Variants in SEMA6D observed in about 807,000 individuals in gnomAD.
SEMA6D encodes the protein semaphorin 6D, also known as semaphorin-6D.
SEMA6D carries 35 observed loss-of-function variants against 106.6 expected under a neutral mutation model. The observed-to-expected ratio is 0.33, with a 90% CI of 0.25 to 0.44. SEMA6D has a LOEUF of 0.44. Ranked by LOEUF, SEMA6D falls within the 20% of genes least tolerant of loss-of-function variation. The pLI is 1.00. For synonymous variants in SEMA6D, 499 were observed against 487.7 expected, an observed-to-expected ratio of 1.02 and a Z score of -0.31; for missense variants, 1,185 against 1,345.9, an observed-to-expected ratio of 0.88 and a Z score of 1.87.
At chr15:47,198,543 A>G (rs879772206) in intron 1 of SEMA6D, among the ~76,000 whole-genome samples, 2 of 152,298 alleles carry the variant, frequency 1.3e-5, no homozygotes, top group Middle Eastern at 3.4e-3. Flanking sequence ...GGTGAAAACA[A>G]TAACAGCTTG....
At chr15:47,381,836 T>C (rs1206026987) in intron 1 of SEMA6D, among the ~76,000 whole-genome samples, 1 of 151,918 alleles carries the variant, frequency 6.6e-6, no homozygotes, top group Non-Finnish European at 1.5e-5. Context: ...GACTAAGGAG[T>C]CATTGGGAAC....
intron 1 of SEMA6D, among the ~76,000 whole-genome samples, chr15:47,742,245 T>C (rs1481779724): frequency 6.6e-6 from 1 of 152,122 alleles, no homozygotes; most frequent in African/African-American, 2.4e-5. Context: ...GTATAGCACC[T>C]TTACAATTTT....
intron 2 of SEMA6D, among the ~76,000 whole-genome samples, chr15:47,462,892 G>A (rs866829262): frequency 1.3e-4 from 20 of 152,182 alleles, no homozygotes; most frequent in Admixed American, 8.5e-4. Flanking sequence ...GGCTCTGTTT[G>A]TCCTAGTCTG....
intron 1 of SEMA6D, among the ~76,000 whole-genome samples, chr15:47,271,292 G>A (rs2034553249): frequency 6.6e-6 from 1 of 152,178 alleles, no homozygotes; most frequent in South Asian, 2.1e-4. Flanking sequence ...GGGTTTTACA[G>A]AGGTAGGTAA....
chr15:47,217,568 T>G (rs576924619), intron 1 of SEMA6D, among the ~76,000 whole-genome samples: 5 of 142,450 alleles, frequency 3.5e-5, no homozygotes, highest in Non-Finnish European at 7.6e-5. Context: ...CGTGCACGGG[T>G]GTGTGTGTGT....
chr15:47,659,514 T>G (rs1398166362), intron 4 of SEMA6D, among the ~76,000 whole-genome samples: 1 of 152,106 alleles, frequency 6.6e-6, no homozygotes, highest in Admixed American at 6.5e-5. Context: ...GATCATAATT[T>G]TTACAATGTT....
chr15:47,428,719 A>G (rs1222102161), intron 2 of SEMA6D, among the ~76,000 whole-genome samples: 6 of 152,024 alleles, frequency 3.9e-5, no homozygotes, highest in African/African-American at 1.4e-4. Context: ...GGTTGCAGTG[A>G]GCTGAGATTG....
chr15:47,746,833 G>C (rs957504843), intron 1 of SEMA6D, among the ~76,000 whole-genome samples: 2 of 152,070 alleles, frequency 1.3e-5, no homozygotes, highest in African/African-American at 4.8e-5. Context: ...GCCCAGTCTG[G>C]CTGGGATATG....
At position 47,768,688 on chromosome 15, in the gene SEMA6D, G is replaced by A; in HGVS notation, c.1873G>A (p.Val625Ile). The change falls in exon 18 of 19, where the codon GTA becomes ATA. Residue 625 changes from valine (V) to isoleucine (I), a missense_variant. Physicochemically the swap from Val to Ile is conservative, Grantham distance 29. Transcript: ENST00000536845. ...RPKLTSSRKF[V>I]VQDDPNTSDF... Reference sequence around the variant, plus strand: ...TAAACTGACAAGCTCTCGGAAATTTGTAGTTCAAGATGATCCAAACACTTC... The same window carrying A: ...TAAACTGACAAGCTCTCGGAAATTTATAGTTCAAGATGATCCAAACACTTC... The A allele has an allele frequency of 1.2e-6, 2 of 1,613,654 alleles. No homozygotes were observed. Among genetic ancestry groups the A allele is most frequent in the Non-Finnish European group, 1.7e-6 (2 of 1,179,666 alleles).
intron 3 of SEMA6D, among the ~76,000 whole-genome samples, chr15:47,547,475 T>TC: frequency 6.6e-6 from 1 of 152,334 alleles, no homozygotes. Context: ...TTGGTTTTGC[T>TC]TTCGTTTTTG....
chr15:47,245,180 T>C (rs1276644425), intron 1 of SEMA6D, among the ~76,000 whole-genome samples: 1 of 152,158 alleles, frequency 6.6e-6, no homozygotes, highest in Non-Finnish European at 1.5e-5. Context: ...ATGTGTCTTT[T>C]TTGTGGAGTA....
At chr15:47,616,327 G>A (rs551431041) in intron 4 of SEMA6D, among the ~76,000 whole-genome samples, 27 of 151,908 alleles carry the variant, frequency 1.8e-4, no homozygotes, top group Non-Finnish European at 2.9e-4. Context: ...GTGCCACCAC[G>A]CCTGGCTAAT....
intron 3 of SEMA6D, among the ~76,000 whole-genome samples, chr15:47,511,369 C>A (rs189318004): frequency 4.6e-5 from 7 of 152,324 alleles, no homozygotes; most frequent in Non-Finnish European, 8.8e-5. Flanking sequence ...GCTCACAAAT[C>A]ATCTAACCTA....
In SEMA6D at chr15:47,773,519, A is replaced by T. The variant is rs1315589603; in HGVS notation, c.*1734A>T. 6.6e-6 allele frequency: 1 copy of T among 152,398 alleles called. No homozygotes were observed. Among genetic ancestry groups the T allele is most frequent in the Non-Finnish European group, 1.5e-5 (1 of 68,038 alleles). The allele number at this position is 152,398 out of a possible 1,614,324, so 9.4% of individuals were successfully genotyped here. A position where few individuals can be genotyped will look rare whatever the true frequency, so the allele number is the denominator to read the frequency against. On this transcript the variant is annotated 3_prime_UTR_variant, in exon 19 of 19. Coordinates refer to ENST00000536845, the MANE Select transcript of SEMA6D (RefSeq NM_001358351.3). ...CAAGGCAGAGGTATGCTCCTGCTGT[A>T]ATCAGGCAAATGAGTTCAACTGGAT... is the stretch of plus-strand genomic sequence containing the variant.
At chr15:47,293,271 A>T (rs552436695) in intron 1 of SEMA6D, among the ~76,000 whole-genome samples, 1 of 152,282 alleles carries the variant, frequency 6.6e-6, no homozygotes, top group Non-Finnish European at 1.5e-5. Flanking sequence ...TGGAGAGAGC[A>T]TCCTGCTCCA....
chr15:47,388,583 A>G (rs768633531), intron 1 of SEMA6D, among the ~76,000 whole-genome samples: 7 of 152,058 alleles, frequency 4.6e-5, no homozygotes, highest in Non-Finnish European at 8.8e-5. Context: ...AAAAAAACGT[A>G]GTATACTTAG....
chr15:47,299,728 A>C (rs1162825959), intron 1 of SEMA6D, among the ~76,000 whole-genome samples: 1 of 152,190 alleles, frequency 6.6e-6, no homozygotes, highest in Non-Finnish European at 1.5e-5. Flanking sequence ...TACATCCATC[A>C]AAAAGCTGTT....
chr15:47,255,556 TAGG>T (rs1396751246), intron 1 of SEMA6D, among the ~76,000 whole-genome samples: 1 of 152,138 alleles, frequency 6.6e-6, no homozygotes, highest in Non-Finnish European at 1.5e-5. Context: ...TTTTTTGATA[TAGG>T]AGATTTCTTT....
chr15:47,545,422 G>T (rs1447304100), intron 3 of SEMA6D, among the ~76,000 whole-genome samples: 1 of 152,058 alleles, frequency 6.6e-6, no homozygotes, highest in Non-Finnish European at 1.5e-5. Flanking sequence ...ACATCCTTTA[G>T]GCTGTAATAC....
Sources: allele counts gnomAD v4.1 joint callset (sites outside exome capture counted in the v4.1 genomes callset), GRCh38; gene constraint gnomAD v4.1.1; transcripts MANE v1.5; gene names NCBI Gene and HGNC (gene_info 2026-07-23, HGNC 2026-07-21).